The following ZFYVE26 variants were observed in gnomAD, a reference collection of about 807,000 sequenced individuals.
The protein encoded by ZFYVE26 is zinc finger FYVE domain-containing protein 26.
ZFYVE26 carries 181 observed loss-of-function variants against 276.5 expected under a neutral mutation model. The observed-to-expected ratio is 0.65, with a 90% CI of 0.58 to 0.74. The LOEUF is 0.74. Among genes scored for constraint, ZFYVE26 ranks in the 30% least tolerant of loss-of-function variants. ZFYVE26 has a pLI of 0.00. For synonymous variants in ZFYVE26, 1,129 were observed against 1,203.1 expected (o/e 0.94, Z 1.27); for missense variants, 2,821 against 3,097.9 (o/e 0.91, Z 2.12).
At position 67,783,415 on chromosome 14, in the gene ZFYVE26, G is replaced by A. The variant is rs2039561634; in HGVS notation, c.3737C>T (p.Thr1246Ile). 6.2e-7 allele frequency: 1 copy of A among 1,614,174 alleles called. No individual in the cohort carries two copies. Among genetic ancestry groups the A allele is most frequent in the Non-Finnish European group, 8.5e-7 (1 of 1,180,036 alleles). ...ALCSSRQSQQ[T>I]SSLLTRLGTL... ...ACCCAGACGAGTCAGGAGGGAGGAG[G>A]TCTGCTGGCTTTGCCGGGATGAGCA... Residue 1246 changes from threonine to isoleucine, a missense_variant, in exon 21 of 42, where the codon ACC becomes ATC. Coordinates refer to ENST00000347230, the MANE Select transcript of ZFYVE26 (RefSeq NM_015346.4).
In ZFYVE26 at chr14:67,794,162, T is replaced by G; in HGVS notation, c.2401+9A>C. On this transcript the variant is annotated intron_variant, in intron 13 of 41. Coordinates refer to ENST00000347230, the MANE Select transcript of ZFYVE26 (RefSeq NM_015346.4). Reference sequence around the variant, plus strand: ...GCTCAAAGTTGGCAACTGGTGGAAATCTGCATACCTGACGTACTTGTGCTC... The same window carrying G: ...GCTCAAAGTTGGCAACTGGTGGAAAGCTGCATACCTGACGTACTTGTGCTC... The G allele has an allele frequency of 6.2e-7, 1 of 1,614,106 alleles. No individual in the cohort carries two copies. The highest frequency in any genetic ancestry group is 8.5e-7 in the Non-Finnish European group (1 of 1,179,946).
chr14:67,777,730 C>A lies in ZFYVE26; in HGVS notation c.4803G>T (p.Leu1601=). Residue 1601 remains leucine (L), a synonymous_variant, in exon 25 of 42, where the codon CTG becomes CTT. Coordinates refer to ENST00000347230, the MANE Select transcript of ZFYVE26 (RefSeq NM_015346.4). ...ACATGGTGGGGTCAGGGATTCTTCG[C>A]AGGAGCTATTGTCAAAGGGTAGAGG... ...RRDHDKALQL[L]RRIPDPTMCL... is the part of the protein sequence containing the mutation. 6.2e-7 allele frequency: 1 copy of A among 1,614,180 alleles called. No individual in the cohort carries two copies. Among genetic ancestry groups the A allele is most frequent in the South Asian group, 1.1e-5 (1 of 91,078 alleles).
In ZFYVE26 at chr14:67,783,451, G is replaced by C; in HGVS notation, c.3701C>G (p.Pro1234Arg). The change falls in exon 21 of 42, where the codon CCC becomes CGC. Residue 1234 changes from proline (P) to arginine (R), a missense_variant. By Grantham distance (103) the Pro-to-Arg change is moderately radical (BLOSUM62 -2). Transcript: ENST00000347230. ...PQVIVSCCCEPLALCSSRQSQ... is the reference protein window; with the variant it reads ...PQVIVSCCCERLALCSSRQSQ... The stretch of plus-strand genomic sequence containing the variant: ...TTGCCGGGATGAGCAAAGAGCAAGG[G>C]GCTCACAGCAGCAGCTGACGATGAC... 6.2e-7 allele frequency: 1 copy of C among 1,614,106 alleles called. No individual in the cohort carries two copies. Among genetic ancestry groups the C allele is most frequent in the Non-Finnish European group, 8.5e-7 (1 of 1,180,032 alleles).
Position 67,802,258 on chromosome 14 carries a change from T to C in ZFYVE26, c.1460A>G (p.Glu487Gly). ...EPDAVDAPVP[E>G]HLSQCQNLTL... Reference sequence around the variant, plus strand: ...CAGGTTCTGACACTGGCTCAGGTGCTCAGGGACTGGAGCATCAACTGCATC... The same window carrying C: ...CAGGTTCTGACACTGGCTCAGGTGCCCAGGGACTGGAGCATCAACTGCATC... Residue 487 changes from glutamate (E) to glycine (G), a missense_variant, in exon 10 of 42, where the codon GAG becomes GGG. By Grantham distance (98) the Glu-to-Gly change is moderately conservative (BLOSUM62 -2). Coordinates refer to ENST00000347230, the MANE Select transcript of ZFYVE26 (RefSeq NM_015346.4). The C allele has an allele frequency of 6.2e-7, 1 of 1,614,160 alleles. No individual in the cohort carries two copies. The highest frequency in any genetic ancestry group is 8.5e-7 in the Non-Finnish European group (1 of 1,180,016).
Position 67,748,243 on chromosome 14 carries a change from T to G in ZFYVE26, c.*193A>C, listed in dbSNP as rs1027589324. 5 of 634,002 alleles carry G rather than the reference T, an allele frequency of 7.9e-6. No individual in the cohort carries two copies. In the African/African-American group the frequency reaches 9.2e-5, roughly 12 times the overall value. The allele number at this position is 634,002 out of a possible 1,614,324, so 39.3% of individuals were successfully genotyped here. A position where few individuals can be genotyped will look rare whatever the true frequency, so the allele number is the denominator to read the frequency against. ...ACAAACACACATAGATTCCACAATT[T>G]TAGAGAAACATGGCACTTGCGTGAA... On this transcript the variant is annotated 3_prime_UTR_variant, in exon 42 of 42. Coordinates refer to ENST00000347230, the MANE Select transcript of ZFYVE26 (RefSeq NM_015346.4).
chr14:67,748,434 G>T lies in ZFYVE26; in HGVS notation c.*2C>A. ...ACGTGTTCCTGGCCCCACTGCCCAA[G>T]GTCACTTCCTGGAGCCTGGGCCATG... On this transcript the variant is annotated 3_prime_UTR_variant, in exon 42 of 42. Coordinates refer to ENST00000347230, the MANE Select transcript of ZFYVE26 (RefSeq NM_015346.4). 1.3e-5 allele frequency: 21 copies of T among 1,611,806 alleles called. No homozygotes were observed. The highest frequency in any genetic ancestry group is 1.8e-5 in the Non-Finnish European group (21 of 1,179,838).
rs774472666 is a variant in ZFYVE26 at position 67,815,848 on chromosome 14, A to G, written c.116T>C (p.Leu39Pro). 1 of 1,614,142 alleles carries G rather than the reference A, an allele frequency of 6.2e-7. No individual in the cohort carries two copies. Among genetic ancestry groups the G allele is most frequent in the Non-Finnish European group, 8.5e-7 (1 of 1,180,032 alleles). The change falls in exon 2 of 42, where the codon CTA becomes CCA. Residue 39 changes from leucine to proline, a missense_variant. Physicochemically the swap from Leu to Pro is moderately conservative, Grantham distance 98 (BLOSUM62 -3). Transcript: ENST00000347230. ...TGGGATATCCCCTTGTCCCTCCTGT[A>G]GCTGAGGTACACATGCCTGTGCCAG... ...WELAQACVPQ[L>P]QEGQGDIPKR...
intron 24 of ZFYVE26, 129 bp downstream of exon 24, chr14:67,777,997 C>G: frequency 2.8e-6 from 4 of 1,426,152 alleles, no homozygotes; most frequent in Admixed American, 1.7e-5. Flanking sequence ...ATGACTATAA[C>G]CAGCTCCTGA....
At chr14:67,763,151 C>T (rs1001179006) in intron 32 of ZFYVE26, among the ~76,000 whole-genome samples, 5 of 152,152 alleles carry the variant, frequency 3.3e-5, no homozygotes, top group African/African-American at 7.2e-5. Flanking sequence ...GTGATCCGTC[C>T]ACCTCGGCCT....
chr14:67,768,057 T>C (rs1268128767), intron 30 of ZFYVE26, among the ~76,000 whole-genome samples: 3 of 152,180 alleles, frequency 2.0e-5, no homozygotes, highest in African/African-American at 7.2e-5. Context: ...ACAGTATTTG[T>C]CACGTAACCT....
intron 27 of ZFYVE26, among the ~76,000 whole-genome samples, chr14:67,774,389 C>T (rs536649618): frequency 1.3e-5 from 2 of 152,302 alleles, no homozygotes; most frequent in African/African-American, 4.8e-5. Flanking sequence ...ATCCCAGCTA[C>T]TCGGGAGGCT....
chr14:67,753,937 C>G lies in ZFYVE26; in HGVS notation c.7128+134G>C. ...GATCAAAATGGACCTGATCACCAGT[C>G]TTTGGTGGCTCATATTCTAGTGGGG... On this transcript the variant is annotated intron_variant, in intron 38 of 41. Transcript: ENST00000347230. 5 of 1,526,960 alleles carry G rather than the reference C, an allele frequency of 3.3e-6. No homozygotes were observed. The South Asian group carries it at 5.6e-5, about 17-fold the overall frequency. The allele number at this position is 1,526,960 out of a possible 1,614,324, so 94.6% of individuals were successfully genotyped here. A position where few individuals can be genotyped will look rare whatever the true frequency, so the allele number is the denominator to read the frequency against.
In ZFYVE26 at chr14:67,761,321, G is replaced by T. The variant is rs777320981; in HGVS notation, c.6588+45C>A. 6 of 1,555,498 alleles carry T rather than the reference G, an allele frequency of 3.9e-6. No homozygotes were observed. In the East Asian group the frequency reaches 1.4e-4, roughly 36 times the overall value. On this transcript the variant is annotated intron_variant, in intron 35 of 41. Transcript: ENST00000347230. Reference sequence around the variant, plus strand: ...TTAAGGCTGAGTGGTCCAAGCCAGAGGAGTAAGGCAGGCACTGCCTTTTTG... The same window carrying T: ...TTAAGGCTGAGTGGTCCAAGCCAGATGAGTAAGGCAGGCACTGCCTTTTTG...
At chr14:67,778,449 C>A (rs2039410041) in intron 23 of ZFYVE26, 4 of 605,866 alleles carry the variant, frequency 6.6e-6, no homozygotes, top group Non-Finnish European at 8.7e-6. Context: ...CATGTGGCAA[C>A]AGACACTTGG....
chr14:67,751,577 A>C (rs1457671434), intron 40 of ZFYVE26: 1 of 235,668 alleles, frequency 4.2e-6, no homozygotes, highest in South Asian at 6.0e-5. Flanking sequence ...CTCCTGCTTT[A>C]AGAACAAGAA....
At chr14:67,788,200 C>T (rs1444146513) in intron 16 of ZFYVE26, among the ~76,000 whole-genome samples, 2 of 152,006 alleles carry the variant, frequency 1.3e-5, no homozygotes, top group African/African-American at 4.8e-5. Context: ...ATCAGCCTGA[C>T]CAACATGGTG....
At position 67,776,099 on chromosome 14, in the gene ZFYVE26, A is replaced by G; in HGVS notation, c.4982T>C (p.Leu1661Pro). The G allele has an allele frequency of 1.2e-6, 2 of 1,614,200 alleles. No homozygotes were observed. The highest frequency in any genetic ancestry group is 1.1e-5 in the South Asian group (1 of 91,076). The change falls in exon 26 of 42, where the codon CTG becomes CCG. Residue 1661 changes from leucine (L) to proline (P), a missense_variant. Physicochemically the swap from Leu to Pro is moderately conservative, Grantham distance 98. Coordinates refer to ENST00000347230, the MANE Select transcript of ZFYVE26 (RefSeq NM_015346.4). Reference protein sequence around the residue: ...QALYVGSKILLTLPEQHRASY... With the variant: ...QALYVGSKILPTLPEQHRASY... ...GGCCCGGTGCTGCTCAGGCAGGGTCAGCAGAATCTGTTTGTGGGGTAGATC... is the reference window on the plus strand; with the variant it reads ...GGCCCGGTGCTGCTCAGGCAGGGTCGGCAGAATCTGTTTGTGGGGTAGATC...
chr14:67,767,814 G>A lies in ZFYVE26; in HGVS notation c.5680C>T (p.Pro1894Ser), dbSNP rs777108369. 6 of 1,614,138 alleles carry A rather than the reference G, an allele frequency of 3.7e-6. No individual in the cohort carries two copies. The highest frequency in any genetic ancestry group is 5.1e-6 in the Non-Finnish European group (6 of 1,180,030). Residue 1894 changes from proline (P) to serine (S), a missense_variant, in exon 31 of 42, where the codon CCT (proline) becomes TCT (serine). By Grantham distance (74) the Pro-to-Ser change is moderately conservative (BLOSUM62 -1). Transcript: ENST00000347230. The stretch of plus-strand genomic sequence containing the variant: ...ACTCTCACCACAAACGAGTATGGAG[G>A]GCTTTCATTCTTGGAGCTGTCTAGA... ...EALDSSKNES[P>S]PYSFVVRVPK...
chr14:67,761,415 T>TAGA lies in ZFYVE26; in HGVS notation c.6536_6538dup (p.Phe2179dup), dbSNP rs765429035. On this transcript the variant is annotated inframe_insertion, in exon 35 of 42. Transcript: ENST00000347230. ...TTCCCGCAGGCAGCTGTGCCTCACG[T>TAGA]AGAAGCTGATGATGGCCAGGTTGGT... is the stretch of plus-strand genomic sequence containing the variant. The TAGA allele has an allele frequency of 6.2e-7, 1 of 1,614,076 alleles. No homozygotes were observed. The highest frequency in any genetic ancestry group is 1.3e-5 in the African/African-American group (1 of 75,042).
Sources: gnomAD v4.1 joint callset for allele counts (sites outside exome capture counted in the v4.1 genomes callset) on GRCh38, gnomAD v4.1.1 for gene constraint, MANE v1.5 for transcripts, NCBI Gene and HGNC (gene_info 2026-07-23, HGNC 2026-07-21) for gene names.